KCNJ16: variants seen among roughly 807,000 people sequenced by gnomAD.
KCNJ16 encodes the protein inward rectifier potassium channel 16.
Under a neutral mutation model 18.5 loss-of-function variants are expected in KCNJ16, and 15 were observed. That is an observed-to-expected ratio of 0.81 (90% CI 0.54 to 1.25). The LOEUF is 1.25. KCNJ16 is among the 50% of genes most tolerant of loss of function. KCNJ16 has a pLI of 0.00. For synonymous variants in KCNJ16, 174 were observed against 186.5 expected, an observed-to-expected ratio of 0.93 and a Z score of 0.55; for missense variants, 523 against 525.7, an observed-to-expected ratio of 0.99 and a Z score of 0.05.
chr17:70,079,492 C>G (rs923898501), intron 1 of KCNJ16, among the ~76,000 whole-genome samples: 3 of 152,170 alleles, frequency 2.0e-5, no homozygotes, highest in Admixed American at 2.0e-4. Context: ...AATTAAACAT[C>G]ACAATAACAG....
At chr17:70,103,321 T>TATATATATATAC (rs1355893521) in intron 2 of KCNJ16, among the ~76,000 whole-genome samples, 22 of 44,480 alleles carry the variant, frequency 4.9e-4, no homozygotes, top group African/African-American at 1.5e-3. Flanking sequence ...TATATATATA[T>TATATATATATAC]ACACACACAT....
At chr17:70,129,901 CATTTATTTATTTATTT>C (rs36175135) in intron 2 of KCNJ16, among the ~76,000 whole-genome samples, 11,076 of 144,302 alleles carry the variant, frequency 0.077, 1,425 homozygotes, top group African/African-American at 0.26. Context: ...TAAAACCTTT[CATTTATTTATTTATTT>C]ATTTATTTAT....
chr17:70,076,281 T>C (rs149770199), intron 1 of KCNJ16, among the ~76,000 whole-genome samples: 283 of 152,294 alleles, frequency 1.9e-3, no homozygotes, highest in South Asian at 2.9e-3. Flanking sequence ...GAATGCACCT[T>C]TGTTACTTTA....
intron 2 of KCNJ16, among the ~76,000 whole-genome samples, chr17:70,124,921 G>C (rs1309989846): frequency 9.7e-6 from 1 of 103,220 alleles, no homozygotes; most frequent in African/African-American, 5.3e-5. Flanking sequence ...TTCAGATATG[G>C]GTGTTGACAA....
intron 1 of KCNJ16, among the ~76,000 whole-genome samples, chr17:70,097,145 C>T (rs7223856): frequency 0.84 from 127,005 of 152,060 alleles, 53,190 homozygotes; most frequent in East Asian, 0.96. Flanking sequence ...CAGAGTTAGC[C>T]GTTCAACCCC....
At chr17:70,123,753 A>G (rs1335710647) in intron 2 of KCNJ16, among the ~76,000 whole-genome samples, 2 of 152,196 alleles carry the variant, frequency 1.3e-5, no homozygotes, top group East Asian at 3.8e-4. Context: ...TTTGATCTTC[A>G]TATTCCTGCC....
intron 2 of KCNJ16, among the ~76,000 whole-genome samples, chr17:70,122,339 A>AT (rs34076703): frequency 2.0e-5 from 3 of 151,430 alleles, no homozygotes; most frequent in Non-Finnish European, 4.4e-5. Flanking sequence ...CGCCCAGCTA[A>AT]TTTTTTTTAC....
rs998503532 is a variant in KCNJ16 at position 70,114,806 on chromosome 17, T to G, written c.-191+14040T>G. 2.6e-5 allele frequency among the ~76,000 whole-genome samples: 4 copies of G among 152,274 alleles called. No individual in the cohort carries two copies. In the South Asian group the frequency reaches 8.3e-4, roughly 32 times the overall value. On this transcript the variant is annotated intron_variant, in intron 2 of 3. Coordinates refer to ENST00000392671, the MANE Select transcript of KCNJ16 (RefSeq NM_170741.4). ...AATGCCAGTTAACTCTCTCCCCATT[T>G]GGGTCTACACTTGAAAGATGATATT...
intron 1 of KCNJ16, among the ~76,000 whole-genome samples, chr17:70,078,595 A>C (rs1229026438): frequency 6.6e-6 from 1 of 152,108 alleles, no homozygotes; most frequent in Admixed American, 6.5e-5. Context: ...GTAAATTTTA[A>C]TTTTTTGTTG....
chr17:70,081,806 CTGTGTGTGTG>C (rs5821755), intron 1 of KCNJ16, among the ~76,000 whole-genome samples: 30 of 149,574 alleles, frequency 2.0e-4, no homozygotes, highest in African/African-American at 3.9e-4. Context: ...TCACCATGCT[CTGTGTGTGTG>C]TGTGTGTGTG....
intron 3 of KCNJ16, chr17:70,131,327 T>C (rs777103026): frequency 9.9e-5 from 109 of 1,096,104 alleles, no homozygotes; most frequent in Non-Finnish European, 1.1e-4. Context: ...TTAAGAAAGA[T>C]GCATTTTTTT....
chr17:70,131,919 C>A, intron 3 of KCNJ16, 76 bp from the exon 4 acceptor site: 1 of 1,333,214 alleles, frequency 7.5e-7, no homozygotes, highest in Non-Finnish European at 1.0e-6. Context: ...TATGACACTG[C>A]TCCAAATTTG....
intron 2 of KCNJ16, among the ~76,000 whole-genome samples, chr17:70,123,390 C>T (rs1460378712): frequency 6.6e-6 from 1 of 152,164 alleles, no homozygotes. Context: ...GTTTTCTCTG[C>T]CTGGGAAACA....
rs1369588078 is a variant in KCNJ16, at chr17:70,075,265, T to A, written c.-425T>A. ...AACTGTAGGAACAAACCGGTGTCAA[T>A]GGTTAACCCAGGTTCTTGGTGTCTG... On this transcript the variant is annotated 5_prime_UTR_variant, in exon 1 of 4. The change abolishes an upstream ATG in the 5' untranslated region. Coordinates refer to ENST00000392671, the MANE Select transcript of KCNJ16 (RefSeq NM_170741.4). The A allele has an allele frequency of 6.6e-6, 1 of 152,126 alleles. No individual in the cohort carries two copies. Among genetic ancestry groups the A allele is most frequent in the Non-Finnish European group, 1.5e-5 (1 of 68,022 alleles). The allele number at this position is 152,126 out of a possible 1,614,324, so 9.4% of individuals were successfully genotyped here. A position where few individuals can be genotyped will look rare whatever the true frequency, so the allele number is the denominator to read the frequency against.
intron 1 of KCNJ16, among the ~76,000 whole-genome samples, chr17:70,092,316 TAAG>T (rs1598103378): frequency 1.3e-5 from 2 of 152,178 alleles, no homozygotes; most frequent in East Asian, 3.9e-4. Flanking sequence ...AACAACATTT[TAAG>T]ATTTTTATCA....
At chr17:70,130,536 A>T (rs955200690) in intron 2 of KCNJ16, among the ~76,000 whole-genome samples, 3 of 152,182 alleles carry the variant, frequency 2.0e-5, no homozygotes, top group African/African-American at 7.2e-5. Context: ...TGCATTAAAC[A>T]AAGAGTTTAT....
chr17:70,131,869 G>A, intron 3 of KCNJ16, 126 bp from the exon 4 acceptor site: 1 of 773,244 alleles, frequency 1.3e-6, no homozygotes, highest in South Asian at 1.9e-5. Context: ...TCAATACTGT[G>A]CACCTAATGT....
chr17:70,130,692 T>C (rs2074025764), intron 2 of KCNJ16, among the ~76,000 whole-genome samples, 187 bp from the exon 3 acceptor site: 1 of 152,200 alleles, frequency 6.6e-6, no homozygotes, highest in Non-Finnish European at 1.5e-5. Flanking sequence ...AAGGGGTCTT[T>C]ATGTCAGGAA....
At chr17:70,102,283 A>G (rs7223039) in intron 2 of KCNJ16, 131,310 of 143,618 alleles carry the variant, frequency 0.91, 60,065 homozygotes, top group East Asian at 0.97. Context: ...GCTGGAGTGC[A>G]GTGGCACAAT....
Sources: gnomAD v4.1 joint callset for allele counts (sites outside exome capture counted in the v4.1 genomes callset) on GRCh38, gnomAD v4.1.1 for gene constraint, MANE v1.5 for transcripts, NCBI Gene and HGNC (gene_info 2026-07-23, HGNC 2026-07-21) for gene names.